The following MIPEP variants were observed in gnomAD, a reference collection of about 807,000 sequenced individuals.
MIPEP encodes mitochondrial intermediate peptidase.
A neutral mutation model predicts 90.3 loss-of-function variants in MIPEP; 79 were observed. The observed-to-expected ratio is 0.87, with a 90% CI of 0.73 to 1.05. The LOEUF (loss-of-function observed/expected upper bound fraction) is 1.05. Ranked by LOEUF, MIPEP falls within the 50% of genes least tolerant of loss-of-function variation. The pLI is 0.00. For synonymous variants in MIPEP, 334 were observed against 315.8 expected, an observed-to-expected ratio of 1.06 and a Z score of -0.61; for missense variants, 940 against 905.6, an observed-to-expected ratio of 1.04 and a Z score of -0.49.
At chr13:23,872,307 C>A (rs1870846411) in intron 5 of MIPEP, among the ~76,000 whole-genome samples, 1 of 152,044 alleles carries the variant, frequency 6.6e-6, no homozygotes, top group Non-Finnish European at 1.5e-5. Context: ...ACCAAAAATA[C>A]AAAATTAGCT....
In MIPEP at chr13:23,881,799, G is replaced by C. The variant is rs376707312; in HGVS notation, c.364-12C>G. On this transcript the variant is annotated splice_polypyrimidine_tract_variant and intron_variant, in intron 2 of 18. Coordinates refer to ENST00000382172, the MANE Select transcript of MIPEP (RefSeq NM_005932.4). ...TTCACAAAATCAGCCTAATAAAGGG[G>C]AAAGACAAAACCAAAAGGGAATTTG... 8.7e-6 allele frequency: 14 copies of C among 1,605,010 alleles called. No individual in the cohort carries two copies. In the African/African-American group the frequency reaches 1.7e-4, roughly 20 times the overall value.
intron 18 of MIPEP, among the ~76,000 whole-genome samples, chr13:23,732,360 C>T (rs181336758): frequency 1.1e-3 from 169 of 152,140 alleles, no homozygotes; most frequent in African/African-American, 3.8e-3. Flanking sequence ...GATACAATCA[C>T]TTTGAAAAAA....
At chr13:23,748,816 G>A (rs1049354947) in intron 18 of MIPEP, among the ~76,000 whole-genome samples, 1 of 152,114 alleles carries the variant, frequency 6.6e-6, no homozygotes, top group African/African-American at 2.4e-5. Flanking sequence ...TTTATGCTGC[G>A]CCTCCACATA....
rs1474109942 is a variant in MIPEP at position 23,875,551 on chromosome 13, A to AT, written c.540-643dup. Among the ~76,000 whole-genome samples the AT allele has an allele frequency of 1.3e-3, 186 of 147,412 alleles. 2 individuals are homozygous for AT. The highest frequency in any genetic ancestry group is 4.1e-3 in the African/African-American group (165 of 40,130). On this transcript the variant is annotated intron_variant, in intron 4 of 18. Coordinates refer to ENST00000382172, the MANE Select transcript of MIPEP (RefSeq NM_005932.4). ...ACACCTTTTTTTTTTTGTCAATGGT[A>AT]TTTTTTTTAAAAAAAACCAACAACA...
At chr13:23,789,200 A>T (rs971911297) in intron 16 of MIPEP, among the ~76,000 whole-genome samples, 32 of 75,904 alleles carry the variant, frequency 4.2e-4, no homozygotes, top group African/African-American at 1.2e-3. Context: ...TATGTCACAG[A>T]TGTTATAATT....
intron 13 of MIPEP, 114 bp from the exon 14 acceptor site, chr13:23,836,463 C>A (rs1869054904): frequency 6.0e-6 from 3 of 497,538 alleles, no homozygotes; most frequent in African/African-American, 4.0e-5. Flanking sequence ...AGTTTTAATT[C>A]ATTAAATCAA....
chr13:23,768,970 C>A (rs1167800462), intron 16 of MIPEP, among the ~76,000 whole-genome samples: 1 of 152,142 alleles, frequency 6.6e-6, no homozygotes, highest in East Asian at 1.9e-4. Context: ...TTAGATGAGA[C>A]ATAGAAAGGT....
At chr13:23,853,562 CTT>C (rs768091262) in intron 10 of MIPEP, among the ~76,000 whole-genome samples, 2 of 138,676 alleles carry the variant, frequency 1.4e-5, no homozygotes. Flanking sequence ...CCTAACGATG[CTT>C]TTTTTTTTTT....
At chr13:23,730,819 GT>G (rs1405657505) in intron 18 of MIPEP, among the ~76,000 whole-genome samples, 28 of 152,088 alleles carry the variant, frequency 1.8e-4, no homozygotes, top group Non-Finnish European at 3.5e-4. Context: ...TACATATCAA[GT>G]TTTGTTATCA....
At chr13:23,854,485 C>G (rs1248401549) in intron 10 of MIPEP, among the ~76,000 whole-genome samples, 2 of 151,946 alleles carry the variant, frequency 1.3e-5, no homozygotes, top group Non-Finnish European at 2.9e-5. Context: ...TAGTTTAAAA[C>G]ACAAAACATC....
At chr13:23,836,782 A>G (rs963360541) in intron 13 of MIPEP, among the ~76,000 whole-genome samples, 1 of 152,230 alleles carries the variant, frequency 6.6e-6, no homozygotes, top group African/African-American at 2.4e-5. Flanking sequence ...TTTTTGTAAC[A>G]AAGTCAATTC....
At chr13:23,754,411 G>A (rs1952471339) in intron 18 of MIPEP, among the ~76,000 whole-genome samples, 7 of 152,190 alleles carry the variant, frequency 4.6e-5, no homozygotes, top group Admixed American at 4.6e-4. Context: ...ATATTAAAAT[G>A]TAAAAGTAGA....
At chr13:23,795,014 A>G (rs1043641563) in intron 16 of MIPEP, among the ~76,000 whole-genome samples, 5 of 152,328 alleles carry the variant, frequency 3.3e-5, no homozygotes, top group African/African-American at 1.2e-4. Context: ...CTAGATATGC[A>G]CCATATGGTC....
chr13:23,864,217 T>C, intron 7 of MIPEP, 28 bp from the exon 8 acceptor site: 1 of 1,437,200 alleles, frequency 7.0e-7, no homozygotes. Context: ...AGAAAATATC[T>C]TCAATTATGT....
rs3814792 is a variant in MIPEP at position 23,889,311 on chromosome 13, C to G, written c.10G>C (p.Val4Leu). 1.2e-5 allele frequency: 16 copies of G among 1,346,644 alleles called. No individual in the cohort carries two copies. Among genetic ancestry groups the G allele is most frequent in the African/African-American group, 1.5e-5 (1 of 64,994 alleles). The allele number at this position is 1,346,644 out of a possible 1,614,324, so 83.4% of individuals were successfully genotyped here. A position where few individuals can be genotyped will look rare whatever the true frequency, so the allele number is the denominator to read the frequency against. ...GCTCCCAAGCCGCCCAGCCTTCCGA[C>G]GCACAGCATTCTAGCACCAGAGCAG... MLCVGRLGGLGARA... is the reference protein window; with the variant it reads MLCLGRLGGLGARA... The change falls in exon 1 of 19, where the codon GTC (valine) becomes CTC (leucine). Residue 4 changes from valine (V) to leucine (L), a missense_variant. Transcript: ENST00000382172.
At chr13:23,819,389 C>T (rs1022610551) in intron 14 of MIPEP, among the ~76,000 whole-genome samples, 1 of 152,148 alleles carries the variant, frequency 6.6e-6, no homozygotes, top group Non-Finnish European at 1.5e-5. Flanking sequence ...GCTAATCAAT[C>T]GGCTTTTTTT....
intron 4 of MIPEP, among the ~76,000 whole-genome samples, chr13:23,878,709 C>A (rs9580771): frequency 0.041 from 6,295 of 152,208 alleles, 409 homozygotes; most frequent in African/African-American, 0.14. Context: ...AAAAGTAAGG[C>A]CTTTTTGATG....
chr13:23,751,363 T>C (rs1764098417), intron 18 of MIPEP, among the ~76,000 whole-genome samples: 1 of 152,266 alleles, frequency 6.6e-6, no homozygotes, highest in African/African-American at 2.4e-5. Context: ...TGCGGGCTTC[T>C]AGACTTTGGT....
intron 18 of MIPEP, among the ~76,000 whole-genome samples, chr13:23,746,633 C>CAAAA (rs34666099): frequency 4.0e-5 from 4 of 99,358 alleles, no homozygotes; most frequent in Non-Finnish European, 7.8e-5. Flanking sequence ...GACTCCCTCT[C>CAAAA]AAAAAAAAAA....
Sources: gnomAD v4.1 joint callset for allele counts (sites outside exome capture counted in the v4.1 genomes callset) on GRCh38, gnomAD v4.1.1 for gene constraint, MANE v1.5 for transcripts, NCBI Gene and HGNC (gene_info 2026-07-23, HGNC 2026-07-21) for gene names.